TTC14: variants seen among roughly 807,000 people sequenced by gnomAD.
TTC14 encodes tetratricopeptide repeat protein 14.
TTC14 carries 63 observed loss-of-function variants against 79.9 expected under a neutral mutation model. That is an observed-to-expected ratio of 0.79 (90% CI 0.64 to 0.97). The LOEUF is 0.97. TTC14 is among the 50% of genes least tolerant of loss of function. The pLI is 0.00. For synonymous variants in TTC14, 335 were observed against 309.6 expected (o/e 1.08, Z -0.86); for missense variants, 895 against 894.0 (o/e 1.00, Z -0.01).
chr3:180,609,242 T>TGCCCCCCCCCCCC, intron 11 of TTC14: 2 of 606,932 alleles, frequency 3.3e-6, no homozygotes, highest in Non-Finnish European at 4.2e-6. Context: ...ACAGGTCAGC[T>TGCCCCCCCCCCCC]CCCACCCGCA....
chr3:180,606,420 C>G, intron 8 of TTC14, 48 bp downstream of exon 8: 1 of 1,612,898 alleles, frequency 6.2e-7, no homozygotes, highest in African/African-American at 1.3e-5. Context: ...CAGGTAAATG[C>G]GAACAAGATT....
chr3:180,613,113 TTAGG>T (rs1373916390), downstream of TTC14, among the ~76,000 whole-genome samples: 1 of 152,178 alleles, frequency 6.6e-6, no homozygotes, highest in Non-Finnish European at 1.5e-5. Flanking sequence ...CCTGAATTTA[TTAGG>T]TAGGCGCAAA....
At chr3:180,605,650 A>G in intron 6 of TTC14, 116 bp from the exon 7 acceptor site, 1 of 662,606 alleles carries the variant, frequency 1.5e-6, no homozygotes, top group Non-Finnish European at 2.5e-6. Flanking sequence ...AATAGAATGC[A>G]GATTTCTTGC....
intron 12 of TTC14, chr3:180,617,101 C>T: frequency 3.5e-6 from 2 of 573,902 alleles, no homozygotes; most frequent in Non-Finnish European, 5.9e-6. Context: ...TGATGTACCT[C>T]TTAATGACAT....
chr3:180,614,630 A>G (rs1046037277), downstream of TTC14: 5 of 279,482 alleles, frequency 1.8e-5, no homozygotes, highest in African/African-American at 6.8e-5. Flanking sequence ...TCGTGAAATA[A>G]TGAAGCAAAC....
chr3:180,605,148 C>G, intron 6 of TTC14, 141 bp downstream of exon 6: 1 of 708,178 alleles, frequency 1.4e-6, no homozygotes, highest in African/African-American at 1.8e-5. Context: ...ACCAGGTGAT[C>G]CCATCTTCTG....
chr3:180,608,930 G>A (rs1036179409), intron 11 of TTC14, 120 bp downstream of exon 11: 1 of 1,239,172 alleles, frequency 8.1e-7, no homozygotes, highest in East Asian at 3.3e-5. Context: ...ATCAGTGACT[G>A]TTAAGAATCT....
chr3:180,607,562 T>G lies in TTC14; in HGVS notation c.1173-86T>G, dbSNP rs1342845377. 3 of 1,419,348 alleles carry G rather than the reference T, an allele frequency of 2.1e-6. No individual in the cohort carries two copies. In the East Asian group the frequency reaches 7.2e-5, roughly 34 times the overall value. The allele number at this position is 1,419,348 out of a possible 1,614,324, so 87.9% of individuals were successfully genotyped here. ...TTTACTTGGCTTTTCCCTAATAAGC[T>G]CTCTCATATAAGCCTTTGACCTGTA... On this transcript the variant is annotated intron_variant, in intron 9 of 11. Coordinates refer to ENST00000296015, the MANE Select transcript of TTC14 (RefSeq NM_133462.4).
In TTC14 at chr3:180,603,243, A is replaced by G. The variant is rs754307306; in HGVS notation, c.406A>G (p.Ile136Val). ...TATAGTGATTGGAAGAATTAGTTCT[A>G]TTCGGGAATTCGGTTTTTTCATGGT... ...GDIVIGRISS[I>V]REFGFFMVLI... Residue 136 changes from isoleucine (I) to valine (V), a missense_variant, in exon 3 of 12, where the codon ATT becomes GTT. By Grantham distance (29) the Ile-to-Val change is conservative. Transcript: ENST00000296015. The G allele has an allele frequency of 6.2e-6, 10 of 1,614,094 alleles. No homozygotes were observed. Among genetic ancestry groups the G allele is most frequent in the Non-Finnish European group, 7.6e-6 (9 of 1,180,002 alleles).
At chr3:180,616,313 A>G in intron 12 of TTC14, 2 of 1,613,438 alleles carry the variant, frequency 1.2e-6, no homozygotes, top group Non-Finnish European at 1.7e-6. Flanking sequence ...AAGGAGATCT[A>G]GAGCTCTGAC....
intron 5 of TTC14, 104 bp from the exon 6 acceptor site, chr3:180,604,747 CA>C: frequency 7.0e-7 from 1 of 1,418,548 alleles, no homozygotes; most frequent in Non-Finnish European, 9.5e-7. Flanking sequence ...CCATCTTATG[CA>C]AAAAATGGAA....
downstream of TTC14, chr3:180,611,162 A>G (rs914987681): frequency 1.0e-6 from 1 of 985,260 alleles, no homozygotes; most frequent in Non-Finnish European, 1.2e-6. Context: ...TGCCTTAGGA[A>G]TAAGATCATA....
chr3:180,615,091 C>T (rs1240386443), downstream of TTC14: 8 of 1,508,584 alleles, frequency 5.3e-6, no homozygotes, highest in Admixed American at 2.1e-4. Flanking sequence ...GAAGAAAAAC[C>T]AGAATTATAA....
At chr3:180,611,258 A>C (rs1716985547), downstream of TTC14, 1 of 756,688 alleles carries the variant, frequency 1.3e-6, no homozygotes, top group Non-Finnish European at 1.6e-6. Context: ...TTTTAACTTT[A>C]AATATTTACA....
At chr3:180,602,561 C>G (rs1716423767) in intron 1 of TTC14, 139 bp downstream of exon 1, 2 of 1,201,908 alleles carry the variant, frequency 1.7e-6, no homozygotes, top group Non-Finnish European at 2.3e-6. Context: ...GTGTCTTGGG[C>G]TGGGTGGACG....
At chr3:180,609,147 A>G (rs1464330426) in intron 11 of TTC14, 10 of 718,296 alleles carry the variant, frequency 1.4e-5, no homozygotes, top group African/African-American at 1.9e-5. Flanking sequence ...CAAGATGTGG[A>G]GACATTTTTG....
rs565460191 is a variant in TTC14, at chr3:180,609,552, A to G, written c.1401-78A>G. 58 of 1,388,864 alleles carry G rather than the reference A, an allele frequency of 4.2e-5. No homozygotes were observed. The Admixed American group carries it at 1.5e-3, about 35-fold the overall frequency. 86.0% of individuals were successfully genotyped at this position (1,388,864 alleles called of 1,614,324 possible). A position where few individuals can be genotyped will look rare whatever the true frequency, so the allele number is the denominator to read the frequency against. On this transcript the variant is annotated intron_variant, in intron 11 of 11. Transcript: ENST00000296015. ...CAGCTTTTATAAAATCTTTAAAGGA[A>G]ACAAATAGGGCCCACATCTTTATGA...
chr3:180,609,435 AC>A, intron 11 of TTC14, 194 bp from the exon 12 acceptor site: 2 of 1,287,462 alleles, frequency 1.6e-6, no homozygotes, highest in Non-Finnish European at 2.0e-6. Flanking sequence ...TTACAATGAT[AC>A]CTGTCTGCAA....
chr3:180,605,909 A>G (rs1322379076), intron 7 of TTC14, 72 bp downstream of exon 7: 2 of 1,445,004 alleles, frequency 1.4e-6, no homozygotes, highest in East Asian at 4.7e-5. Flanking sequence ...GCATGCTTAT[A>G]TCATCAATAA....
Sources: allele counts gnomAD v4.1 joint callset (sites outside exome capture counted in the v4.1 genomes callset), GRCh38; gene constraint gnomAD v4.1.1; transcripts MANE v1.5; gene names NCBI Gene and HGNC (gene_info 2026-07-23, HGNC 2026-07-21).